FLRT2: variants seen among roughly 807,000 people sequenced by gnomAD.
FLRT2 encodes leucine-rich repeat transmembrane protein FLRT2.
FLRT2 carries 15 observed loss-of-function variants against 40.0 expected under a neutral mutation model. That is an observed-to-expected ratio of 0.38 (90% CI 0.25 to 0.58). FLRT2 has a LOEUF of 0.58. FLRT2 is among the 20% of genes least tolerant of loss of function. The pLI is 0.71. For synonymous variants in FLRT2, 380 were observed against 336.8 expected, an observed-to-expected ratio of 1.13 and a Z score of -1.41; for missense variants, 726 against 840.0, an observed-to-expected ratio of 0.86 and a Z score of 1.68.
At chr14:85,554,148 T>C (rs1889809274) in intron 1 of FLRT2, among the ~76,000 whole-genome samples, 1 of 152,154 alleles carries the variant, frequency 6.6e-6, no homozygotes. Context: ...TGCAGGACAC[T>C]ACCCGTATTT....
Position 85,623,038 on chromosome 14 carries a change from T to C in FLRT2, c.1524T>C (p.Ile508=), listed in dbSNP as rs111409915. ...ACTACCGCGCGGTAGAAGACACCATTTGTTCAGAGGCCACCACCCATGCCT... is the reference window on the plus strand; with the variant it reads ...ACTACCGCGCGGTAGAAGACACCATCTGTTCAGAGGCCACCACCCATGCCT... ...AFNYRAVEDT[I]CSEATTHASY... Residue 508 remains isoleucine (I), a synonymous_variant, in exon 2 of 2, where the codon ATT becomes ATC. Coordinates refer to ENST00000330753, the MANE Select transcript of FLRT2 (RefSeq NM_013231.6). The C allele has an allele frequency of 9.6e-3, 15,531 of 1,614,062 alleles. 101 individuals carry two copies. The highest frequency in any genetic ancestry group is 0.012 in the Non-Finnish European group (14,477 of 1,180,014).
intron 1 of FLRT2, among the ~76,000 whole-genome samples, chr14:85,574,908 A>G (rs1891059908): frequency 6.6e-6 from 1 of 152,166 alleles, no homozygotes; most frequent in Non-Finnish European, 1.5e-5. Context: ...TTTGGAAAAA[A>G]TTTACCCAGG....
At chr14:85,550,253 A>G (rs1889533394) in intron 1 of FLRT2, among the ~76,000 whole-genome samples, 1 of 152,150 alleles carries the variant, frequency 6.6e-6, no homozygotes, top group Non-Finnish European at 1.5e-5. Flanking sequence ...AATATATTCT[A>G]TGGGGACAGT....
rs1894338839 is a variant in FLRT2 at position 85,647,703 on chromosome 14, C to A, written c.*24206C>A. ...TATGTATGGGACCCAGGGAATTTTA[C>A]AGAAACATCTCTAAGAACTTCCATG... is the stretch of plus-strand genomic sequence containing the variant. On this transcript the variant is annotated 3_prime_UTR_variant, in exon 2 of 2. Transcript: ENST00000330753. 1 of 152,072 alleles carries A rather than the reference C, an allele frequency of 6.6e-6. No homozygotes were observed. Among genetic ancestry groups the A allele is most frequent in the Non-Finnish European group, 1.5e-5 (1 of 68,030 alleles). 9.4% of individuals were successfully genotyped at this position (152,072 alleles called of 1,614,324 possible). A position where few individuals can be genotyped will look rare whatever the true frequency, so the allele number is the denominator to read the frequency against.
chr14:85,535,103 G>T (rs1888566045), intron 1 of FLRT2, among the ~76,000 whole-genome samples: 1 of 152,192 alleles, frequency 6.6e-6, no homozygotes, highest in African/African-American at 2.4e-5. Flanking sequence ...TTTACATGCT[G>T]CATTTGCTAT....
intron 1 of FLRT2, among the ~76,000 whole-genome samples, chr14:85,590,668 C>T (rs57987281): frequency 0.055 from 8,367 of 152,080 alleles, 824 homozygotes; most frequent in African/African-American, 0.19. Context: ...GGTGCGGTCT[C>T]GGCTCACTGC....
intron 1 of FLRT2, among the ~76,000 whole-genome samples, chr14:85,547,406 C>T (rs974922211): frequency 1.3e-5 from 2 of 151,416 alleles, no homozygotes; most frequent in Non-Finnish European, 2.9e-5. Flanking sequence ...TTACTACATC[C>T]TCTGCCTTCC....
intron 1 of FLRT2, among the ~76,000 whole-genome samples, chr14:85,544,866 A>G (rs1263363005): frequency 6.6e-6 from 1 of 152,200 alleles, no homozygotes; most frequent in Non-Finnish European, 1.5e-5. Context: ...CACATTAAAC[A>G]CACTTCAATC....
rs1894300169 is a variant in FLRT2, at chr14:85,646,212, G to T, written c.*22715G>T. On this transcript the variant is annotated 3_prime_UTR_variant, in exon 2 of 2. Coordinates refer to ENST00000330753, the MANE Select transcript of FLRT2 (RefSeq NM_013231.6). ...AACCAGCCTTTAAAATACTATAATG[G>T]ACTGTGGAAAAATCAGTTAGAGTGT... The T allele has an allele frequency of 6.6e-6, 1 of 152,140 alleles. No homozygotes were observed. The highest frequency in any genetic ancestry group is 1.5e-5 in the Non-Finnish European group (1 of 68,038). 9.4% of individuals were successfully genotyped at this position (152,140 alleles called of 1,614,324 possible).
intron 1 of FLRT2, among the ~76,000 whole-genome samples, chr14:85,561,948 C>T (rs371548840): frequency 6.6e-6 from 1 of 152,192 alleles, no homozygotes; most frequent in African/African-American, 2.4e-5. Context: ...TTCTCATCCT[C>T]ACATCTATGT....
At chr14:85,607,107 A>T (rs952581027) in intron 1 of FLRT2, among the ~76,000 whole-genome samples, 14 of 152,034 alleles carry the variant, frequency 9.2e-5, no homozygotes, top group Admixed American at 5.9e-4. Context: ...CCGCTGGAGA[A>T]GACGCCATAT....
chr14:85,556,446 TG>T (rs1232981091), intron 1 of FLRT2, among the ~76,000 whole-genome samples: 1 of 152,220 alleles, frequency 6.6e-6, no homozygotes, highest in African/African-American at 2.4e-5. Flanking sequence ...GGGCTTGATC[TG>T]GGGAGGACAC....
chr14:85,607,604 G>C (rs1299567515), intron 1 of FLRT2, among the ~76,000 whole-genome samples: 2 of 152,176 alleles, frequency 1.3e-5, no homozygotes, highest in Non-Finnish European at 2.9e-5. Flanking sequence ...AATTCAGTGT[G>C]AATGTCCAGA....
At chr14:85,614,699 A>G (rs1368562404) in intron 1 of FLRT2, among the ~76,000 whole-genome samples, 10 of 143,530 alleles carry the variant, frequency 7.0e-5, no homozygotes, top group African/African-American at 3.0e-4. Flanking sequence ...AGAAACCTTC[A>G]TTTCTCATCA....
At position 85,643,897 on chromosome 14, in the gene FLRT2, A is replaced by G. The variant is rs1320190869; in HGVS notation, c.*20400A>G. 6.6e-6 allele frequency: 1 copy of G among 152,170 alleles called. No homozygotes were observed. The highest frequency in any genetic ancestry group is 1.5e-5 in the Non-Finnish European group (1 of 68,028). 9.4% of individuals were successfully genotyped at this position (152,170 alleles called of 1,614,324 possible). On this transcript the variant is annotated 3_prime_UTR_variant, in exon 2 of 2. Transcript: ENST00000330753. ...GGTTTTTATTATAAGCATTAAAAGTATAGTAGTAGGAAACTGTGTTTAACC... is the reference window on the plus strand; with the variant it reads ...GGTTTTTATTATAAGCATTAAAAGTGTAGTAGTAGGAAACTGTGTTTAACC...
intron 1 of FLRT2, among the ~76,000 whole-genome samples, chr14:85,590,310 A>G (rs1891825557): frequency 6.6e-6 from 1 of 152,036 alleles, no homozygotes; most frequent in South Asian, 2.1e-4. Context: ...AATGCCCTAG[A>G]CGAATTTCCT....
At chr14:85,602,011 C>T (rs1444263347) in intron 1 of FLRT2, among the ~76,000 whole-genome samples, 1 of 152,140 alleles carries the variant, frequency 6.6e-6, no homozygotes, top group Non-Finnish European at 1.5e-5. Context: ...GAAGGAGCAG[C>T]CATTTTCACA....
rs1764174836 is a variant in FLRT2, at chr14:85,641,804, A to C, written c.*18307A>C. On this transcript the variant is annotated 3_prime_UTR_variant, in exon 2 of 2. Transcript: ENST00000330753. ...ACCTAAACTGTCTGAATTTGAAAGT[A>C]GAGACAATCTTATTCATGCATAATG... 1 of 152,212 alleles carries C rather than the reference A, an allele frequency of 6.6e-6. No homozygotes were observed. Among genetic ancestry groups the C allele is most frequent in the African/African-American group, 2.4e-5 (1 of 41,454 alleles). 9.4% of individuals were successfully genotyped at this position (152,212 alleles called of 1,614,324 possible).
At chr14:85,596,858 A>G (rs1892162527) in intron 1 of FLRT2, among the ~76,000 whole-genome samples, 3 of 152,188 alleles carry the variant, frequency 2.0e-5, no homozygotes, top group African/African-American at 7.2e-5. Flanking sequence ...GAGAGAGCAT[A>G]TGGCCTTAAC....
Sources: allele counts gnomAD v4.1 joint callset (sites outside exome capture counted in the v4.1 genomes callset), GRCh38; gene constraint gnomAD v4.1.1; transcripts MANE v1.5; gene names NCBI Gene and HGNC (gene_info 2026-07-23, HGNC 2026-07-21).